RAB38: variants seen among roughly 807,000 people sequenced by gnomAD.
The protein encoded by RAB38 is ras-related protein Rab-38.
A neutral mutation model predicts 18.4 loss-of-function variants in RAB38; 15 were observed. That is an observed-to-expected ratio of 0.82 (90% CI 0.55 to 1.26). The LOEUF (loss-of-function observed/expected upper bound fraction) is 1.26. Among genes scored for constraint, RAB38 ranks in the 50% most tolerant of loss-of-function variants. The pLI, the probability that RAB38 is intolerant of heterozygous loss-of-function variation, is 0.00. For missense variants in RAB38, 294 were observed against 267.4 expected, an observed-to-expected ratio of 1.10 and a Z score of -0.69; for synonymous variants, 101 against 104.4, an observed-to-expected ratio of 0.97 and a Z score of 0.20.
chr11:88,171,365 T>G (rs1246564121), intron 1 of RAB38, among the ~76,000 whole-genome samples: 2 of 152,122 alleles, frequency 1.3e-5, no homozygotes, highest in African/African-American at 4.8e-5. Context: ...TAATAAACCT[T>G]TTGCTTACAG....
At chr11:87,945,859 G>C in the RAB38 span, among the ~76,000 whole-genome samples, 3 of 152,126 alleles carry the variant, frequency 2.0e-5, no homozygotes, top group African/African-American at 7.2e-5. Context: ...ACTGAGTAAA[G>C]ATATTAAGTT....
the RAB38 span, among the ~76,000 whole-genome samples, chr11:87,867,603 A>G: frequency 4.0e-5 from 6 of 151,866 alleles, no homozygotes; most frequent in East Asian, 1.2e-3. Flanking sequence ...TGGGTAATAA[A>G]TAACAATTGG....
chr11:88,076,160 G>A, the RAB38 span, among the ~76,000 whole-genome samples: 1 of 151,628 alleles, frequency 6.6e-6, no homozygotes, highest in African/African-American at 2.4e-5. Flanking sequence ...CACAAAAATA[G>A]AAAGCATCAT....
At chr11:88,041,303 G>A in the RAB38 span, among the ~76,000 whole-genome samples, 1 of 152,296 alleles carries the variant, frequency 6.6e-6, no homozygotes, top group South Asian at 2.1e-4. Flanking sequence ...GTAATAGTGA[G>A]CGGAACATGC....
chr11:87,898,318 G>T, the RAB38 span, among the ~76,000 whole-genome samples: 1 of 151,572 alleles, frequency 6.6e-6, no homozygotes, highest in African/African-American at 2.4e-5. Flanking sequence ...CTCAACCTCT[G>T]CACTCTACTT....
chr11:88,051,290 G>T, the RAB38 span, among the ~76,000 whole-genome samples: 1 of 152,014 alleles, frequency 6.6e-6, no homozygotes, highest in Non-Finnish European at 1.5e-5. Context: ...ATAAAAAGTA[G>T]CTGAGAAATG....
rs1183477739 is a variant in RAB38 at position 88,113,821 on chromosome 11, T to C, written c.*167A>G. 11 of 772,662 alleles carry C rather than the reference T, an allele frequency of 1.4e-5. No individual in the cohort carries two copies. The highest frequency in any genetic ancestry group is 2.1e-5 in the Non-Finnish European group (10 of 484,874). 47.9% of individuals were successfully genotyped at this position (772,662 alleles called of 1,614,324 possible). A position where few individuals can be genotyped will look rare whatever the true frequency, so the allele number is the denominator to read the frequency against. On this transcript the variant is annotated 3_prime_UTR_variant, in exon 3 of 3. Coordinates refer to ENST00000243662, the MANE Select transcript of RAB38 (RefSeq NM_022337.3). ...CACTGTGATGATGGTGAGGAAAGCATAGAAAGAACATTTGCTATTTCTCTC... is the reference window on the plus strand; with the variant it reads ...CACTGTGATGATGGTGAGGAAAGCACAGAAAGAACATTTGCTATTTCTCTC...
chr11:88,086,699 T>C, the RAB38 span, among the ~76,000 whole-genome samples: 1 of 151,854 alleles, frequency 6.6e-6, no homozygotes, highest in Non-Finnish European at 1.5e-5. Flanking sequence ...TGTCAAGTAA[T>C]AGGTGAGCAG....
the RAB38 span, among the ~76,000 whole-genome samples, chr11:87,974,743 TAC>T: frequency 6.6e-6 from 1 of 150,502 alleles, no homozygotes; most frequent in African/African-American, 2.4e-5. Flanking sequence ...ATACTTTATA[TAC>T]AGAGGGATTA....
chr11:87,849,722 C>G, the RAB38 span, among the ~76,000 whole-genome samples: 1 of 152,108 alleles, frequency 6.6e-6, no homozygotes, highest in Admixed American at 6.6e-5. Context: ...GCCATCTTTT[C>G]ATCCAGAAAC....
chr11:87,957,873 G>A, the RAB38 span, among the ~76,000 whole-genome samples: 1 of 152,076 alleles, frequency 6.6e-6, no homozygotes, highest in East Asian at 1.9e-4. Flanking sequence ...GAAATACTCA[G>A]CATGCCATGA....
the RAB38 span, among the ~76,000 whole-genome samples, chr11:88,066,523 A>C: frequency 2.6e-5 from 4 of 152,348 alleles, no homozygotes; most frequent in African/African-American, 9.6e-5. Context: ...TGATATAGTT[A>C]CTAAGGATAA....
the RAB38 span, among the ~76,000 whole-genome samples, chr11:88,019,121 T>C: frequency 6.6e-6 from 1 of 152,092 alleles, no homozygotes; most frequent in Admixed American, 6.6e-5. Context: ...CACACTATAC[T>C]CTTTTCCTAA....
rs1306123803 is a variant in RAB38, at chr11:88,116,001, T to G, written c.484-1861A>C. ...GAATCCAGTCCTGAGAGAACAGCAA[T>G]GCTTCTGCCCCATCCCCTGTTGGGC... On this transcript the variant is annotated intron_variant, in intron 2 of 2. Coordinates refer to ENST00000243662, the MANE Select transcript of RAB38 (RefSeq NM_022337.3). Among the ~76,000 whole-genome samples the G allele has an allele frequency of 2.6e-5, 4 of 152,214 alleles. No homozygotes were observed. The East Asian group carries it at 7.7e-4, about 29-fold the overall frequency.
chr11:87,869,040 A>G, the RAB38 span, among the ~76,000 whole-genome samples: 1 of 151,676 alleles, frequency 6.6e-6, no homozygotes, highest in Admixed American at 6.6e-5. Context: ...CTTGCTCTTG[A>G]TTCACTTTTT....
chr11:88,059,895 C>G, the RAB38 span, among the ~76,000 whole-genome samples: 24 of 152,348 alleles, frequency 1.6e-4, no homozygotes, highest in Admixed American at 2.6e-4. Context: ...TGCCCACTGT[C>G]CTGGTGCCCA....
the RAB38 span, among the ~76,000 whole-genome samples, chr11:87,810,460 A>G: frequency 6.6e-6 from 1 of 152,150 alleles, no homozygotes; most frequent in African/African-American, 2.4e-5. Context: ...AATTATTTCG[A>G]GATTCATCTA....
the RAB38 span, among the ~76,000 whole-genome samples, chr11:88,077,099 A>G: frequency 6.6e-6 from 1 of 151,462 alleles, no homozygotes; most frequent in Non-Finnish European, 1.5e-5. Context: ...GAAACAAAAG[A>G]TCTATACAAA....
chr11:88,135,449 T>C (rs1942824705), intron 2 of RAB38, among the ~76,000 whole-genome samples: 1 of 152,202 alleles, frequency 6.6e-6, no homozygotes, highest in South Asian at 2.1e-4. Context: ...AACCGTAAAA[T>C]AAAGTACTTA....
Sources: allele counts gnomAD v4.1 joint callset (sites outside exome capture counted in the v4.1 genomes callset), GRCh38; gene constraint gnomAD v4.1.1; transcripts MANE v1.5; gene names NCBI Gene and HGNC (gene_info 2026-07-23, HGNC 2026-07-21).